Variants in CEP63 observed in about 807,000 individuals in gnomAD.
CEP63 encodes centrosomal protein 63.
CEP63 carries 84 observed loss-of-function variants against 89.1 expected under a neutral mutation model. The ratio of observed to expected loss-of-function variants is 0.94; its 90% CI spans 0.79 to 1.13. CEP63 has a LOEUF of 1.13. Among genes scored for constraint, CEP63 ranks in the 50% most tolerant of loss-of-function variants. The pLI, the probability that CEP63 is intolerant of heterozygous loss-of-function variation, is 0.00. For synonymous variants in CEP63, 267 were observed against 272.5 expected (o/e 0.98, Z 0.20); for missense variants, 838 against 813.3 (o/e 1.03, Z -0.37).
chr3:134,643,165 G>A, the CEP63 span: 11 of 639,930 alleles, frequency 1.7e-5, no homozygotes, highest in Non-Finnish European at 2.7e-5. Context: ...TGAGACGCAG[G>A]GAGAGGAAAA....
the CEP63 span, among the ~76,000 whole-genome samples, chr3:134,637,411 G>A: frequency 1.1e-4 from 17 of 152,260 alleles, 1 homozygote; most frequent in Middle Eastern, 0.01. Context: ...GATGCCTTGT[G>A]AAAAATGAAT....
intron 1 of CEP63, among the ~76,000 whole-genome samples, chr3:134,487,519 G>A (rs529911271): frequency 2.5e-4 from 38 of 152,168 alleles, no homozygotes; most frequent in Non-Finnish European, 4.3e-4. Flanking sequence ...TGTTGTGCTG[G>A]CAGATGGTGA....
chr3:134,751,601 G>A, the CEP63 span, among the ~76,000 whole-genome samples: 2 of 152,186 alleles, frequency 1.3e-5, no homozygotes, highest in South Asian at 4.1e-4. Flanking sequence ...CTCATAGATG[G>A]TGGGAGATGA....
rs140998870 is a variant in CEP63, at chr3:134,519,381, G to A, written c.222+12095G>A. Among the ~76,000 whole-genome samples, 1,396 of 151,824 alleles carry A rather than the reference G, an allele frequency of 9.2e-3. 34 individuals carry two copies. Among genetic ancestry groups the A allele is most frequent in the African/African-American group, 0.031 (1,294 of 41,358 alleles). Reference sequence around the variant, plus strand: ...ACTTCTGACCTCAGGTGATCTGCCCGCCTCAGCCACCCAAAGTGCTGGGAT... The same window carrying A: ...ACTTCTGACCTCAGGTGATCTGCCCACCTCAGCCACCCAAAGTGCTGGGAT... On this transcript the variant is annotated intron_variant, in intron 3 of 14. Coordinates refer to ENST00000675561, the MANE Select transcript of CEP63 (RefSeq NM_001353108.3).
intron 3 of CEP63, among the ~76,000 whole-genome samples, chr3:134,520,844 G>A (rs1446223310): frequency 1.3e-5 from 2 of 152,092 alleles, no homozygotes; most frequent in Non-Finnish European, 2.9e-5. Context: ...GAAAGATTTT[G>A]ACTTCTAGTT....
intron 3 of CEP63, among the ~76,000 whole-genome samples, chr3:134,525,068 T>C (rs1948348144): frequency 6.6e-6 from 1 of 152,210 alleles, no homozygotes; most frequent in Non-Finnish European, 1.5e-5. Flanking sequence ...AACTTGTTAT[T>C]GGTCTGTTCA....
intron 1 of CEP63, among the ~76,000 whole-genome samples, chr3:134,490,465 T>A (rs1397348833): frequency 6.6e-6 from 1 of 152,164 alleles, no homozygotes; most frequent in Non-Finnish European, 1.5e-5. Context: ...TTTATATGTC[T>A]CTAGGAAAGT....
At chr3:134,686,520 G>A in the CEP63 span, among the ~76,000 whole-genome samples, 2 of 152,168 alleles carry the variant, frequency 1.3e-5, no homozygotes, top group Non-Finnish European at 2.9e-5. Context: ...GCCTTGCAGG[G>A]GAAGTGGGTG....
intron 12 of CEP63, among the ~76,000 whole-genome samples, chr3:134,553,747 G>T (rs923156351): frequency 3.3e-5 from 5 of 152,132 alleles, no homozygotes; most frequent in Admixed American, 6.6e-5. Flanking sequence ...CATCAAATGC[G>T]TAAATACGTA....
chr3:134,743,331 A>G, the CEP63 span, among the ~76,000 whole-genome samples: 1 of 152,224 alleles, frequency 6.6e-6, no homozygotes, highest in African/African-American at 2.4e-5. Flanking sequence ...TAACCAGTGC[A>G]CAGGGAACCT....
At chr3:134,674,340 C>G in the CEP63 span, among the ~76,000 whole-genome samples, 2 of 152,042 alleles carry the variant, frequency 1.3e-5, no homozygotes, top group Admixed American at 1.3e-4. Flanking sequence ...GGACAAAAAC[C>G]ACATGATCAT....
chr3:134,627,255 A>G, the CEP63 span, among the ~76,000 whole-genome samples: 1 of 152,218 alleles, frequency 6.6e-6, no homozygotes, highest in East Asian at 1.9e-4. Flanking sequence ...AAGCAAAACA[A>G]TAGGAAGAAG....
chr3:134,773,683 C>T, the CEP63 span, among the ~76,000 whole-genome samples: 1 of 152,044 alleles, frequency 6.6e-6, no homozygotes, highest in Non-Finnish European at 1.5e-5. Flanking sequence ...TTCAGCCCCA[C>T]AGCCCACCCC....
intron 3 of CEP63, chr3:134,510,595 CA>C: frequency 1.6e-6 from 1 of 622,650 alleles, no homozygotes; most frequent in South Asian, 1.7e-5. Context: ...TTACTGTCTT[CA>C]AGGTGCAGGG....
the CEP63 span, among the ~76,000 whole-genome samples, chr3:134,711,441 T>C: frequency 3.3e-5 from 5 of 152,188 alleles, no homozygotes; most frequent in African/African-American, 9.7e-5. Context: ...GTGACTGTCA[T>C]CCTGTGACCT....
At chr3:134,586,412 T>C (rs889893494) in intron 10 of CEP63, among the ~76,000 whole-genome samples, 6 of 152,192 alleles carry the variant, frequency 3.9e-5, no homozygotes, top group African/African-American at 1.4e-4. Flanking sequence ...TCTCAGCATT[T>C]GCTTGTCTGT....
the CEP63 span, among the ~76,000 whole-genome samples, chr3:134,759,455 T>C: frequency 2.3e-4 from 35 of 152,328 alleles, 1 homozygote; most frequent in South Asian, 6.8e-3. Context: ...AAGACTAATC[T>C]AGCATCCCAA....
chr3:134,776,697 A>G, the CEP63 span, among the ~76,000 whole-genome samples: 3 of 152,132 alleles, frequency 2.0e-5, no homozygotes, highest in African/African-American at 7.2e-5. Context: ...AGGTGTAGTG[A>G]TGGGTAGGGG....
At position 134,499,711 on chromosome 3, in the gene CEP63, A is replaced by G. The variant is rs142734677; in HGVS notation, c.44+4347A>G. ...TGAAGCTTGGGCTTGTATGTATCCT[A>G]TCATCCAAAGAATGAACATAGTACA... On this transcript the variant is annotated intron_variant, in intron 2 of 14. Transcript: ENST00000675561. Among the ~76,000 whole-genome samples the G allele has an allele frequency of 3.3e-3, 505 of 151,950 alleles. 4 individuals are homozygous for G. The highest frequency in any genetic ancestry group is 0.011 in the African/African-American group (466 of 41,446).
Sources: allele counts gnomAD v4.1 joint callset (sites outside exome capture counted in the v4.1 genomes callset), GRCh38; gene constraint gnomAD v4.1.1; transcripts MANE v1.5; gene names NCBI Gene and HGNC (gene_info 2026-07-23, HGNC 2026-07-21).